The following PLXNB2 variants were observed in gnomAD, a reference collection of about 807,000 sequenced individuals.
PLXNB2 encodes the protein plexin-B2.
In PLXNB2, 85 loss-of-function variants were observed where a neutral mutation model predicts 202.6. The observed-to-expected ratio is 0.42, with a 90% confidence interval of 0.35 to 0.50. The LOEUF (loss-of-function observed/expected upper bound fraction) is 0.50, where lower values mean the gene tolerates loss of function less well. PLXNB2 is among the 20% of genes least tolerant of loss of function. The pLI is 0.02. For synonymous variants in PLXNB2, 1,239 were observed against 1,137.6 expected (o/e 1.09, Z -1.79); for missense variants, 2,063 against 2,586.2 (o/e 0.80, Z 4.39).
In PLXNB2 at chr22:50,275,964, C is replaced by T; in HGVS notation, c.5338-1G>A. On this transcript the variant is annotated splice_acceptor_variant, in intron 35 of 36. Transcript: ENST00000359337. LOFTEE classifies it high-confidence loss of function. ...GGGTGTTCAAGGAGTCCGTGTGCGCCTGGGGGGTGACGGGACAGTCAGGGT... is the reference window on the plus strand; with the variant it reads ...GGGTGTTCAAGGAGTCCGTGTGCGCTTGGGGGGTGACGGGACAGTCAGGGT... The T allele has an allele frequency of 6.2e-7, 1 of 1,612,508 alleles. No homozygotes were observed. Among genetic ancestry groups the T allele is most frequent in the Non-Finnish European group, 8.5e-7 (1 of 1,179,778 alleles).
At chr22:50,305,699 G>A (rs1172968407) in intron 1 of PLXNB2, among the ~76,000 whole-genome samples, 1 of 152,110 alleles carries the variant, frequency 6.6e-6, no homozygotes, top group African/African-American at 2.4e-5. Flanking sequence ...CTCCTCCCTG[G>A]CACGCACAGG....
chr22:50,282,587 C>G, intron 18 of PLXNB2, 124 bp downstream of exon 18: 1 of 768,930 alleles, frequency 1.3e-6, no homozygotes. Flanking sequence ...GTGGGGTTTT[C>G]CGGAGGCCGC....
In PLXNB2 at chr22:50,281,617, C is replaced by T. The variant is rs747767472; in HGVS notation, c.3471G>A (p.Pro1157=). ...TGTCTCGTTTCTGCCGCCGCTTGGG[C>T]GGGGGCTGCACCTCCGGGGGCTCAC... ...LYCEPPEVQP[P]PKRRQKRDTT... is the part of the protein sequence containing the mutation. Residue 1157 remains proline (P), a synonymous_variant, in exon 21 of 37, where the codon CCG becomes CCA. Coordinates refer to ENST00000359337, the MANE Select transcript of PLXNB2 (RefSeq NM_012401.4). 8.1e-6 allele frequency: 13 copies of T among 1,609,086 alleles called. No homozygotes were observed. The highest frequency in any genetic ancestry group is 5.5e-5 in the South Asian group (5 of 90,642).
chr22:50,280,464 C>G, intron 25 of PLXNB2, 25 bp downstream of exon 25: 1 of 1,577,700 alleles, frequency 6.3e-7, no homozygotes, highest in Non-Finnish European at 8.6e-7. Flanking sequence ...CCCGTGGCCC[C>G]GCTCGTGGCC....
chr22:50,275,185 G>A lies in PLXNB2; in HGVS notation c.*519C>T, dbSNP rs894236455. ...ACCTTTGACGTGGGGCCCAGCAGCC[G>A]TGAGTCCACCCAGAGTGCCGGCACC... On this transcript the variant is annotated 3_prime_UTR_variant, in exon 37 of 37. Coordinates refer to ENST00000359337, the MANE Select transcript of PLXNB2 (RefSeq NM_012401.4). The A allele has an allele frequency of 1.6e-5, 5 of 319,012 alleles. No homozygotes were observed. The highest frequency in any genetic ancestry group is 2.4e-5 in the South Asian group (1 of 40,912). The allele number at this position is 319,012 out of a possible 1,614,324, so 19.8% of individuals were successfully genotyped here.
Position 50,278,581 on chromosome 22 carries a change from G to A in PLXNB2, c.4647+15C>T, listed in dbSNP as rs751541473. 2.5e-5 allele frequency: 41 copies of A among 1,609,506 alleles called. No individual in the cohort carries two copies. Among genetic ancestry groups the A allele is most frequent in the South Asian group, 5.5e-5 (5 of 90,620 alleles). On this transcript the variant is annotated intron_variant, in intron 29 of 36. Coordinates refer to ENST00000359337, the MANE Select transcript of PLXNB2 (RefSeq NM_012401.4). ...AGGGTGCCCAGTTCTCGCCCGCCCC[G>A]GCCTACACGCTCACATTGTAGTGCA...
intron 1 of PLXNB2, among the ~76,000 whole-genome samples, chr22:50,299,358 G>A (rs966657066): frequency 1.3e-5 from 2 of 152,024 alleles, no homozygotes; most frequent in Admixed American, 1.3e-4. Context: ...TGAGCGATAG[G>A]CTGCCCCAAG....
At chr22:50,299,151 G>A (rs1011096284) in intron 1 of PLXNB2, among the ~76,000 whole-genome samples, 2 of 152,208 alleles carry the variant, frequency 1.3e-5, no homozygotes, top group Admixed American at 6.5e-5. Context: ...CCGCCATGAA[G>A]AACGAGGAGA....
At position 50,280,919 on chromosome 22, in the gene PLXNB2, G is replaced by C; in HGVS notation, c.3818C>G (p.Pro1273Arg). The change falls in exon 24 of 37, where the codon CCC becomes CGC. Residue 1273 changes from proline to arginine, a missense_variant. Around this residue, in one of 2 missense-constraint regions of PLXNB2, gnomAD observed 760 missense variants for 1,109.4 expected, o/e 0.69. Coordinates refer to ENST00000359337, the MANE Select transcript of PLXNB2 (RefSeq NM_012401.4). ...QTNDVHEAGIPVLDYKTYTDR... is the reference protein window; with the variant it reads ...QTNDVHEAGIRVLDYKTYTDR... ...GGTGTAGGTCTTGTAGTCCAGCACG[G>C]GGATGCCGGCCTCGTGCACGTCGTT... 6.2e-7 allele frequency: 1 copy of C among 1,613,166 alleles called. No homozygotes were observed. Among genetic ancestry groups the C allele is most frequent in the Non-Finnish European group, 8.5e-7 (1 of 1,179,874 alleles).
chr22:50,289,182 T>C lies in PLXNB2; in HGVS notation c.1069-40A>G. The C allele has an allele frequency of 6.7e-7, 1 of 1,494,434 alleles. No homozygotes were observed. Among genetic ancestry groups the C allele is most frequent in the East Asian group, 2.4e-5 (1 of 41,682 alleles). 92.6% of individuals were successfully genotyped at this position (1,494,434 alleles called of 1,614,324 possible). ...GTGTCAATGGCAGGCAGACCCCCTGTCCTGAAGGGCCCTCTCCACTCGCGC... is the reference window on the plus strand; with the variant it reads ...GTGTCAATGGCAGGCAGACCCCCTGCCCTGAAGGGCCCTCTCCACTCGCGC... On this transcript the variant is annotated intron_variant, in intron 3 of 36. Transcript: ENST00000359337. This position sits in a 1 kb window ranked among gnomAD's most constrained non-coding sequence, Gnocchi z 8.0.
rs779319843 is a variant in PLXNB2, at chr22:50,280,535, G to A, written c.4129C>T (p.Leu1377=). ...TTCTTGGCCACCACGTACTGCTCCA[G>A]GAGCTCCAGGAAGAGCGTGTGCATG... ...DIMHTLFLEL[L]EQYVVAKNPK... is the part of the protein sequence containing the mutation. Residue 1377 remains leucine (L), a synonymous_variant, in exon 25 of 37, where the codon CTG becomes TTG. Coordinates refer to ENST00000359337, the MANE Select transcript of PLXNB2 (RefSeq NM_012401.4). 1 of 1,611,750 alleles carries A rather than the reference G, an allele frequency of 6.2e-7. No individual in the cohort carries two copies. Among genetic ancestry groups the A allele is most frequent in the Non-Finnish European group, 8.5e-7 (1 of 1,179,824 alleles).
chr22:50,283,508 C>A (rs1391427393), intron 15 of PLXNB2, 63 bp from the exon 16 acceptor site: 73 of 1,455,740 alleles, frequency 5.0e-5, no homozygotes, highest in Non-Finnish European at 5.6e-5. Flanking sequence ...CTGACACCCT[C>A]ACCCCCTCAG....
In PLXNB2 at chr22:50,280,840, G is replaced by A. The variant is rs767860232; in HGVS notation, c.3897C>T (p.Thr1299=). The A allele has an allele frequency of 4.1e-5, 66 of 1,613,258 alleles. No individual in the cohort carries two copies. The highest frequency in any genetic ancestry group is 5.0e-5 in the Non-Finnish European group (59 of 1,179,952). The change falls in exon 24 of 37, where the codon ACC becomes ACT. Residue 1299 remains threonine (T), a synonymous_variant. Transcript: ENST00000359337. ...GCGGCTCAGGGATGTCCAGCTTGCCGGTGATCATCACGTCCTTGTCGCCGT... is the reference window on the plus strand; with the variant it reads ...GCGGCTCAGGGATGTCCAGCTTGCCAGTGATCATCACGTCCTTGTCGCCGT... ...SKDGDKDVMI[T]GKLDIPEPRR... is the part of the protein sequence containing the mutation.
intron 18 of PLXNB2, 100 bp downstream of exon 18, chr22:50,282,611 G>A (rs2066084724): frequency 1.1e-6 from 1 of 880,644 alleles, no homozygotes; most frequent in Admixed American, 2.8e-5. Context: ...CCGCTGCACA[G>A]ACCAGCCCCA....
rs755571096 is a variant in PLXNB2 at position 50,288,046 on chromosome 22, G to T, written c.1381-9C>A. 9 of 1,550,382 alleles carry T rather than the reference G, an allele frequency of 5.8e-6. No homozygotes were observed. In the East Asian group the frequency reaches 2.2e-4, roughly 38 times the overall value. ...ACCGGCAGCCGGAACACCTAGGGCA[G>T]CGGGGCCGTGAGTGGGACCACAGCA... On this transcript the variant is annotated splice_polypyrimidine_tract_variant and intron_variant, in intron 5 of 36. Transcript: ENST00000359337. The surrounding 1 kb of genome is among the most constrained non-coding windows in gnomAD (Gnocchi z 5.0).
In PLXNB2 at chr22:50,287,252, C is replaced by T. The variant is rs768199498; in HGVS notation, c.1621G>A (p.Val541Ile). 2.6e-5 allele frequency: 40 copies of T among 1,521,236 alleles called. No individual in the cohort carries two copies. In the South Asian group the frequency reaches 3.0e-4, roughly 11 times the overall value. The allele number at this position is 1,521,236 out of a possible 1,614,324, so 94.2% of individuals were successfully genotyped here. The change falls in exon 8 of 37, where the codon GTC becomes ATC. Residue 541 changes from valine to isoleucine, a missense_variant. Val to Ile is a conservative substitution (Grantham distance 29). Around this residue, in one of 2 missense-constraint regions of PLXNB2, gnomAD observed 1,303 missense variants for 1,476.8 expected, o/e 0.88. Transcript: ENST00000359337. ...RRAQGEVQLTVSPLPALSEED... is the reference protein window; with the variant it reads ...RRAQGEVQLTISPLPALSEED... ...TCGCTCAGGGCAGGGAGGGGGCTGA[C>T]GGTCAGCTGCACCTGAGGGAGGGGC... is the stretch of plus-strand genomic sequence containing the variant.
rs531204453 is a variant in PLXNB2 at position 50,286,380 on chromosome 22, T to C, written c.1763-93A>G. The C allele has an allele frequency of 8.4e-6, 7 of 830,174 alleles. No homozygotes were observed. In the Admixed American group the frequency reaches 1.4e-4, roughly 16 times the overall value. The allele number at this position is 830,174 out of a possible 1,614,324, so 51.4% of individuals were successfully genotyped here. On this transcript the variant is annotated intron_variant, in intron 8 of 36. Transcript: ENST00000359337. ...CTGGGGCTGACTCCTGGGGCCAAGG[T>C]GGAGACCCCTGGTCTTCAGGGGGCC...
At chr22:50,300,892 A>G (rs1173876395) in intron 1 of PLXNB2, among the ~76,000 whole-genome samples, 2 of 152,096 alleles carry the variant, frequency 1.3e-5, no homozygotes, top group South Asian at 4.1e-4. Flanking sequence ...ACCTCCTGAC[A>G]CACCCAGGCC....
At chr22:50,276,761 G>A in intron 34 of PLXNB2, 57 bp from the exon 35 acceptor site, 1 of 1,597,464 alleles carries the variant, frequency 6.3e-7, no homozygotes, top group Non-Finnish European at 8.6e-7. Flanking sequence ...AGGGGGTGGT[G>A]GGGGAAACCA....
Sources: allele counts gnomAD v4.1 joint callset (sites outside exome capture counted in the v4.1 genomes callset), GRCh38; gene constraint gnomAD v4.1.1; regional missense constraint gnomAD v4.1.1; non-coding constraint Gnocchi (gnomAD v3.1); transcripts MANE v1.5; gene names NCBI Gene and HGNC (gene_info 2026-07-23, HGNC 2026-07-21).